Variants in LTBP2 observed in about 807,000 individuals in gnomAD.
LTBP2 encodes the protein latent transforming growth factor beta binding protein 2, also known as latent-transforming growth factor beta-binding protein 2.
In LTBP2, 103 loss-of-function variants were observed where a neutral mutation model predicts 210.6. The observed-to-expected ratio is 0.49, with a 90% CI of 0.42 to 0.58. LTBP2 has a LOEUF of 0.58. Among genes scored for constraint, LTBP2 ranks in the 20% least tolerant of loss-of-function variants. The probability of loss-of-function intolerance (pLI) is 0.00; values close to 1 mark genes in which losing one functional copy is unlikely to be tolerated. For synonymous variants in LTBP2, 1,007 were observed against 1,015.0 expected (o/e 0.99, Z 0.15); for missense variants, 2,313 against 2,494.5 (o/e 0.93, Z 1.55).
intron 2 of LTBP2, among the ~76,000 whole-genome samples, chr14:74,599,011 T>C (rs1322078079): frequency 6.6e-6 from 1 of 152,204 alleles, no homozygotes; most frequent in Non-Finnish European, 1.5e-5. Context: ...TATAGGGCTG[T>C]TGTGAGGATT....
chr14:74,504,133 G>C, intron 30 of LTBP2, 79 bp from the exon 31 acceptor site: 1 of 1,566,376 alleles, frequency 6.4e-7, no homozygotes. Context: ...CCAAAGCCAG[G>C]CTGGGTTTGA....
chr14:74,552,516 A>T, intron 5 of LTBP2, 123 bp from the exon 6 acceptor site: 1 of 873,506 alleles, frequency 1.1e-6, no homozygotes. Flanking sequence ...TGTAGCCCGG[A>T]GCCCCCTGAA....
chr14:74,585,749 T>C, intron 3 of LTBP2, 105 bp downstream of exon 3: 2 of 1,551,976 alleles, frequency 1.3e-6, no homozygotes, highest in Non-Finnish European at 1.8e-6. Context: ...AAGGGAGGAC[T>C]CTGCGGCCTT....
chr14:74,503,641 G>A lies in LTBP2; in HGVS notation c.4583-35C>T, dbSNP rs772876594. 5 of 1,610,968 alleles carry A rather than the reference G, an allele frequency of 3.1e-6. No homozygotes were observed. In the South Asian group the frequency reaches 4.4e-5, roughly 14 times the overall value. ...CAGGAAAGGGTGGGGCATTGCCAAGGTGGCCTTTCCACCAACCACCCTCAG... is the reference window on the plus strand; with the variant it reads ...CAGGAAAGGGTGGGGCATTGCCAAGATGGCCTTTCCACCAACCACCCTCAG... On this transcript the variant is annotated intron_variant, in intron 31 of 35. Transcript: ENST00000261978.
At chr14:74,510,414 C>A (rs913698338) in intron 19 of LTBP2, among the ~76,000 whole-genome samples, 4 of 152,234 alleles carry the variant, frequency 2.6e-5, no homozygotes, top group African/African-American at 9.6e-5. Context: ...CTCACTTCAG[C>A]CCTATCTAGT....
intron 18 of LTBP2, 136 bp from the exon 19 acceptor site, chr14:74,511,500 C>T (rs1294823571): frequency 8.8e-7 from 1 of 1,133,522 alleles, no homozygotes; most frequent in Non-Finnish European, 1.3e-6. Flanking sequence ...AGAATGAGAG[C>T]TGCCCTGTGT....
chr14:74,529,071 G>A lies in LTBP2; in HGVS notation c.2039C>T (p.Pro680Leu). 6.4e-7 allele frequency: 1 copy of A among 1,559,066 alleles called. No homozygotes were observed. The highest frequency in any genetic ancestry group is 8.7e-7 in the Non-Finnish European group (1 of 1,151,438). The change falls in exon 11 of 36, where the codon CCC becomes CTC. Residue 680 changes from proline (P) to leucine (L), a missense_variant. Around this residue, in one of 3 missense-constraint regions of LTBP2, gnomAD observed 1,867 missense variants for 1,976.9 expected, o/e 0.94. Coordinates refer to ENST00000261978, the MANE Select transcript of LTBP2 (RefSeq NM_000428.3). ...GGCCAAAGGCAGGGTGCAGGTGCCG[G>A]GCCCCAGCGACCGGTAGCACAGTCC... Reference protein sequence around the residue: ...LQGLCYRSLGPGTCTLPLAQR... With the variant: ...LQGLCYRSLGLGTCTLPLAQR...
At chr14:74,521,515 C>A (rs2087202638) in intron 17 of LTBP2, among the ~76,000 whole-genome samples, 1 of 152,162 alleles carries the variant, frequency 6.6e-6, no homozygotes, top group South Asian at 2.1e-4. Context: ...CACACCTACT[C>A]CCAGGTCTGC....
At position 74,532,441 on chromosome 14, in the gene LTBP2, G is replaced by A. The variant is rs180947562; in HGVS notation, c.1972C>T (p.Arg658Trp). ...CAGCACTCACACACACAGCGGCTCC[G>A]CGATGGATCCAGCATGAGGCCAGGT... is the stretch of plus-strand genomic sequence containing the variant. ...CRPGLMLDPSRSRCVSDKAIS... is the reference protein window; with the variant it reads ...CRPGLMLDPSWSRCVSDKAIS... Residue 658 changes from arginine (R) to tryptophan (W), a missense_variant, in exon 10 of 36, where the codon CGG becomes TGG. Transcript: ENST00000261978. 3.5e-5 allele frequency: 57 copies of A among 1,614,058 alleles called. No homozygotes were observed. In the East Asian group the frequency reaches 5.3e-4, roughly 15 times the overall value.
At chr14:74,577,789 G>A (rs2088079746) in intron 3 of LTBP2, among the ~76,000 whole-genome samples, 1 of 151,448 alleles carries the variant, frequency 6.6e-6, no homozygotes, top group Non-Finnish European at 1.5e-5. Flanking sequence ...TTACAGGCAT[G>A]GCCAGCGCGC....
In LTBP2 at chr14:74,504,974, G is replaced by T. The variant is rs888398878; in HGVS notation, c.4369+9C>A. The T allele has an allele frequency of 1.2e-6, 2 of 1,614,202 alleles. No homozygotes were observed. The highest frequency in any genetic ancestry group is 1.7e-6 in the Non-Finnish European group (2 of 1,180,030). ...ACCCTTCGAGGATCTGGAACCCTTG[G>T]GGTCTTACCTGAGTCCTCAGACGGG... On this transcript the variant is annotated intron_variant, in intron 29 of 35. Transcript: ENST00000261978.
intron 3 of LTBP2, among the ~76,000 whole-genome samples, chr14:74,576,650 C>T (rs1372714202): frequency 6.6e-6 from 1 of 151,100 alleles, no homozygotes; most frequent in Non-Finnish European, 1.5e-5. Flanking sequence ...TCTTGGGGTA[C>T]CTGTCACAGA....
chr14:74,586,986 G>T lies in LTBP2; in HGVS notation c.566-868C>A, dbSNP rs531411696. On this transcript the variant is annotated intron_variant, in intron 2 of 35. Transcript: ENST00000261978. This position sits in a 1 kb window ranked among gnomAD's most constrained non-coding sequence, Gnocchi z 4.6. The stretch of plus-strand genomic sequence containing the variant: ...GGAGCTGAAACCAGGCCCTCCTCCC[G>T]GTTAGCCCTATGCAGCATTAGCCAC... Among the ~76,000 whole-genome samples, 1 of 152,162 alleles carries T rather than the reference G, an allele frequency of 6.6e-6. No individual in the cohort carries two copies. Among genetic ancestry groups the T allele is most frequent in the Non-Finnish European group, 1.5e-5 (1 of 68,028 alleles).
At chr14:74,563,031 C>T (rs2087816010) in intron 3 of LTBP2, among the ~76,000 whole-genome samples, 1 of 152,194 alleles carries the variant, frequency 6.6e-6, no homozygotes, top group African/African-American at 2.4e-5. Context: ...TCTTCCAAGC[C>T]ATGCTCTTGG....
At chr14:74,567,317 C>T (rs938029408) in intron 3 of LTBP2, among the ~76,000 whole-genome samples, 3 of 152,200 alleles carry the variant, frequency 2.0e-5, no homozygotes, top group African/African-American at 7.2e-5. Context: ...GAGCAGCCAG[C>T]CTTTAGGCTG....
In LTBP2 at chr14:74,510,188, C is replaced by G. The variant is rs768173336; in HGVS notation, c.3054G>C (p.Gly1018=). ...CVDVNECLTP[G]VCAHGKCTNL... is the part of the protein sequence containing the mutation. ...TGGTGCACTTTCCATGGGCACAGAC[C>G]CCGGGAGTCAGACACTCATTCACAT... is the stretch of plus-strand genomic sequence containing the variant. The change falls in exon 20 of 36, where the codon GGG becomes GGC. Residue 1018 remains glycine (G), a synonymous_variant. Coordinates refer to ENST00000261978, the MANE Select transcript of LTBP2 (RefSeq NM_000428.3). 11 of 1,613,952 alleles carry G rather than the reference C, an allele frequency of 6.8e-6. No homozygotes were observed. In the South Asian group the frequency reaches 1.2e-4, roughly 18 times the overall value.
At chr14:74,564,163 T>A (rs866082244) in intron 3 of LTBP2, among the ~76,000 whole-genome samples, 8 of 10,802 alleles carry the variant, frequency 7.4e-4, no homozygotes, top group African/African-American at 1.8e-3. Context: ...ATATATATAT[T>A]TATATATATA....
At chr14:74,541,389 T>C (rs1246668047) in intron 8 of LTBP2, among the ~76,000 whole-genome samples, 1 of 152,204 alleles carries the variant, frequency 6.6e-6, no homozygotes, top group East Asian at 1.9e-4. Flanking sequence ...CAGGCCCTAT[T>C]ATAAAGGCTT....
chr14:74,501,997 A>C (rs1263288715), intron 34 of LTBP2: 4 of 316,656 alleles, frequency 1.3e-5, no homozygotes, highest in Non-Finnish European at 1.2e-5. Context: ...TTGGTAGCAG[A>C]GGGGCCTCAC....
Sources: gnomAD v4.1 joint callset for allele counts (sites outside exome capture counted in the v4.1 genomes callset) on GRCh38, gnomAD v4.1.1 for gene constraint, gnomAD v4.1.1 regional missense constraint, Gnocchi (gnomAD v3.1) non-coding constraint, MANE v1.5 for transcripts, NCBI Gene and HGNC (gene_info 2026-07-23, HGNC 2026-07-21) for gene names.